The following ZNF710 variants were observed in gnomAD, a reference collection of about 807,000 sequenced individuals.
ZNF710 encodes the protein zinc finger protein 710.
ZNF710 carries 13 observed loss-of-function variants against 50.6 expected under a neutral mutation model. The ratio of observed to expected loss-of-function variants is 0.26; its 90% CI spans 0.17 to 0.41. ZNF710 has a LOEUF of 0.41. ZNF710 is among the 10% of genes least tolerant of loss of function. ZNF710 has a pLI of 1.00. For synonymous variants in ZNF710, 383 were observed against 397.0 expected (o/e 0.96, Z 0.42); for missense variants, 721 against 936.6 (o/e 0.77, Z 3.01).
intron 1 of ZNF710, among the ~76,000 whole-genome samples, chr15:90,010,350 C>T (rs752568314): frequency 6.6e-6 from 1 of 152,130 alleles, no homozygotes; most frequent in Non-Finnish European, 1.5e-5. Flanking sequence ...AGTGCAGTGG[C>T]AGATCTCAGC....
chr15:90,061,547 G>A (rs973652423), intron 1 of ZNF710, among the ~76,000 whole-genome samples: 19 of 152,146 alleles, frequency 1.2e-4, no homozygotes, highest in African/African-American at 4.3e-4. Context: ...GGTCCTGTTG[G>A]TTCTTCCTTC....
At chr15:90,064,144 G>T (rs1380437931) in intron 1 of ZNF710, among the ~76,000 whole-genome samples, 1 of 152,204 alleles carries the variant, frequency 6.6e-6, no homozygotes, top group Non-Finnish European at 1.5e-5. Context: ...GAGGGTTGCC[G>T]CTGGGTGCTG....
chr15:90,027,947 A>G (rs1898827361), intron 1 of ZNF710, among the ~76,000 whole-genome samples: 1 of 152,310 alleles, frequency 6.6e-6, no homozygotes, highest in South Asian at 2.1e-4. Flanking sequence ...GGTGAGCTCC[A>G]TGAGGCTAGG....
At chr15:90,036,001 A>C (rs1899111936) in intron 1 of ZNF710, among the ~76,000 whole-genome samples, 1 of 152,114 alleles carries the variant, frequency 6.6e-6, no homozygotes, top group Non-Finnish European at 1.5e-5. Flanking sequence ...CAAGGGTGGC[A>C]GGATTGGGTC....
At chr15:90,073,883 G>A (rs751550072) in intron 3 of ZNF710, among the ~76,000 whole-genome samples, 20 of 151,534 alleles carry the variant, frequency 1.3e-4, no homozygotes, top group Non-Finnish European at 2.4e-4. Context: ...CCAGCTACTC[G>A]GGAGACTAAG....
In ZNF710 at chr15:90,067,615, G is replaced by C. The variant is rs766961907; in HGVS notation, c.478G>C (p.Asp160His). The change falls in exon 2 of 5, where the codon GAC becomes CAC. Residue 160 changes from aspartate (D) to histidine (H), a missense_variant. Transcript: ENST00000268154. The surrounding 1 kb of genome is among the most constrained non-coding windows in gnomAD (Gnocchi z 8.1). ...GCAGAGCAGCGCCGTCAAGATGATC[G>C]ACCTCAGCGCCTTCAGCCGCAAGCC... ...LVQSSAVKMI[D>H]LSAFSRKPRT... is the part of the protein sequence containing the mutation. The C allele has an allele frequency of 4.3e-6, 7 of 1,611,514 alleles. No homozygotes were observed. Among genetic ancestry groups the C allele is most frequent in the Non-Finnish European group, 5.9e-6 (7 of 1,179,018 alleles).
At chr15:90,018,203 C>G (rs1339390166) in intron 1 of ZNF710, among the ~76,000 whole-genome samples, 3 of 138,040 alleles carry the variant, frequency 2.2e-5, no homozygotes, top group African/African-American at 8.2e-5. Flanking sequence ...GAGTCTTGCT[C>G]TGTCACCCAG....
chr15:90,078,188 G>A (rs1006873062), intron 4 of ZNF710, among the ~76,000 whole-genome samples: 2 of 142,096 alleles, frequency 1.4e-5, no homozygotes, highest in African/African-American at 5.1e-5. Flanking sequence ...TCCAGCCTGG[G>A]CAACAAGAGC....
At chr15:90,053,103 TG>T (rs1899697161) in intron 1 of ZNF710, among the ~76,000 whole-genome samples, 1 of 152,190 alleles carries the variant, frequency 6.6e-6, no homozygotes, top group African/African-American at 2.4e-5. Flanking sequence ...GACACATGGG[TG>T]GGAAAGCCCA....
intron 1 of ZNF710, among the ~76,000 whole-genome samples, chr15:90,048,604 G>C (rs1899541283): frequency 6.6e-6 from 1 of 152,226 alleles, no homozygotes; most frequent in Non-Finnish European, 1.5e-5. Flanking sequence ...GCGTTTGTTT[G>C]CTGAGGAGTG....
At chr15:90,042,084 G>A (rs1899312546) in intron 1 of ZNF710, among the ~76,000 whole-genome samples, 1 of 151,874 alleles carries the variant, frequency 6.6e-6, no homozygotes, top group Non-Finnish European at 1.5e-5. Flanking sequence ...TTTTAGTAGA[G>A]ATGGGGTTTC....
At chr15:90,060,743 C>G (rs1899981735) in intron 1 of ZNF710, among the ~76,000 whole-genome samples, 1 of 152,098 alleles carries the variant, frequency 6.6e-6, no homozygotes, top group East Asian at 1.9e-4. Flanking sequence ...GTAATCCCAG[C>G]TACTTTGGAG....
Position 90,059,742 on chromosome 15 carries a change from G to A in ZNF710, c.-28-7368G>A, listed in dbSNP as rs559330168. Among the ~76,000 whole-genome samples, 2 of 152,322 alleles carry A rather than the reference G, an allele frequency of 1.3e-5. No individual in the cohort carries two copies. The highest frequency in any genetic ancestry group is 2.1e-4 in the South Asian group (1 of 4,830). Reference sequence around the variant, plus strand: ...CCGAGGCACAGGCCTTCCAGCTCTCGCTTCCTCTTCCCTTCTGCGCATGTG... The same window carrying A: ...CCGAGGCACAGGCCTTCCAGCTCTCACTTCCTCTTCCCTTCTGCGCATGTG... On this transcript the variant is annotated intron_variant, in intron 1 of 4. Transcript: ENST00000268154. This position sits in a 1 kb window ranked among gnomAD's most constrained non-coding sequence, Gnocchi z 4.1.
At chr15:90,033,062 C>G (rs1290421764) in intron 1 of ZNF710, among the ~76,000 whole-genome samples, 2 of 152,130 alleles carry the variant, frequency 1.3e-5, no homozygotes, top group South Asian at 2.1e-4. Flanking sequence ...GGGCCATGCA[C>G]CAGTGCTGTT....
Position 90,057,417 on chromosome 15 carries a change from C to T in ZNF710, c.-28-9693C>T, listed in dbSNP as rs375332206. ...AACTCTTGCTAATTAACTTCGAGGCCGGGCACGGTGGCTCACACCTATAAT... is the reference window on the plus strand; with the variant it reads ...AACTCTTGCTAATTAACTTCGAGGCTGGGCACGGTGGCTCACACCTATAAT... On this transcript the variant is annotated intron_variant, in intron 1 of 4. Transcript: ENST00000268154. Among the ~76,000 whole-genome samples the T allele has an allele frequency of 3.2e-4, 49 of 152,074 alleles. No individual in the cohort carries two copies. The East Asian group carries it at 8.7e-3, about 27-fold the overall frequency.
rs763687856 is a variant in ZNF710 at position 90,034,136 on chromosome 15, T to C, written c.-29+32522T>C. Among the ~76,000 whole-genome samples, 1 of 151,732 alleles carries C rather than the reference T, an allele frequency of 6.6e-6. No homozygotes were observed. The highest frequency in any genetic ancestry group is 1.5e-5 in the Non-Finnish European group (1 of 67,958). ...TCGCTTGAACCCAGGAGGCAGAGGT[T>C]GCAGTGAGCCGAGATCGCATCATTG... On this transcript the variant is annotated intron_variant, in intron 1 of 4. Coordinates refer to ENST00000268154, the MANE Select transcript of ZNF710 (RefSeq NM_198526.4). The surrounding 1 kb of genome is among the most constrained non-coding windows in gnomAD (Gnocchi z 4.0).
Position 90,056,773 on chromosome 15 carries a change from A to G in ZNF710, c.-28-10337A>G, listed in dbSNP as rs527317561. On this transcript the variant is annotated intron_variant, in intron 1 of 4. Transcript: ENST00000268154. ...TACTTAGCATCAAAGAGAAGCTACC[A>G]TGTGCTTTTTATGCAGCTCTGCAGG... Among the ~76,000 whole-genome samples the G allele has an allele frequency of 3.3e-5, 5 of 152,326 alleles. No individual in the cohort carries two copies. The South Asian group carries it at 6.2e-4, about 19-fold the overall frequency.
At chr15:90,069,177 G>A (rs564281922) in intron 2 of ZNF710, among the ~76,000 whole-genome samples, 2 of 144,362 alleles carry the variant, frequency 1.4e-5, no homozygotes, top group South Asian at 2.2e-4. Flanking sequence ...GCAGTCAGCC[G>A]AGACCACACC....
chr15:90,010,411 C>T (rs1011135507), intron 1 of ZNF710, among the ~76,000 whole-genome samples: 46 of 152,322 alleles, frequency 3.0e-4, no homozygotes, highest in African/African-American at 1.0e-3. Context: ...ACCTCCGCCT[C>T]CCAAGTAGCT....
Sources: allele counts gnomAD v4.1 joint callset (sites outside exome capture counted in the v4.1 genomes callset), GRCh38; gene constraint gnomAD v4.1.1; non-coding constraint Gnocchi (gnomAD v3.1); transcripts MANE v1.5; gene names NCBI Gene and HGNC (gene_info 2026-07-23, HGNC 2026-07-21).